Variants in GLIPR1 observed in about 807,000 individuals in gnomAD.
GLIPR1 encodes glioma pathogenesis-related protein 1.
A neutral mutation model predicts 30.3 loss-of-function variants in GLIPR1; 38 were observed. The observed-to-expected ratio is 1.26, with a 90% CI of 0.97 to 1.65. GLIPR1 has a LOEUF of 1.65. GLIPR1 is among the 40% of genes most tolerant of loss of function. The pLI is 0.00. For synonymous variants in GLIPR1, 122 were observed against 110.6 expected (o/e 1.10, Z -0.65); for missense variants, 285 against 326.5 (o/e 0.87, Z 0.98).
chr12:75,485,565 T>TTTATTTATTTA (rs1435192700), intron 2 of GLIPR1, among the ~76,000 whole-genome samples: 28,177 of 92,296 alleles, frequency 0.31, 3,633 homozygotes, highest in East Asian at 0.43. Flanking sequence ...TTATTTATTT[T>TTTATTTATTTA]TTTGAGACGG....
In GLIPR1 at chr12:75,500,663, A is replaced by G. The variant is rs1420247414; in HGVS notation, c.*1685A>G. On this transcript the variant is annotated 3_prime_UTR_variant, in exon 6 of 6. Transcript: ENST00000266659. ...GAAGCCAACTATCTAATCAATGCCA[A>G]AAGTGTGAACAAAATAGAGAAAGGA... The G allele has an allele frequency of 6.6e-6, 1 of 152,060 alleles. No homozygotes were observed. Among genetic ancestry groups the G allele is most frequent in the Non-Finnish European group, 1.5e-5 (1 of 67,970 alleles). The allele number at this position is 152,060 out of a possible 1,614,324, so 9.4% of individuals were successfully genotyped here.
In GLIPR1 at chr12:75,499,250, G is replaced by T; in HGVS notation, c.*272G>T. On this transcript the variant is annotated 3_prime_UTR_variant, in exon 6 of 6. Coordinates refer to ENST00000266659, the MANE Select transcript of GLIPR1 (RefSeq NM_006851.3). ...GCTTCTAAATCTGCAAAATGAGCAA[G>T]GTACAGTAGCACATTTTTAGGTGAT... is the stretch of plus-strand genomic sequence containing the variant. 3.9e-6 allele frequency: 1 copy of T among 254,998 alleles called. No homozygotes were observed. Among genetic ancestry groups the T allele is most frequent in the South Asian group, 1.2e-4 (1 of 8,338 alleles). The allele number at this position is 254,998 out of a possible 1,614,324, so 15.8% of individuals were successfully genotyped here.
At chr12:75,488,122 G>A (rs1376243083) in intron 2 of GLIPR1, among the ~76,000 whole-genome samples, 2 of 152,142 alleles carry the variant, frequency 1.3e-5, no homozygotes, top group African/African-American at 2.4e-5. Context: ...TGTTTTATCC[G>A]CAAGGTCTTT....
Position 75,498,813 on chromosome 12 carries a change from T to A in GLIPR1, c.647-11T>A. The A allele has an allele frequency of 6.2e-7, 1 of 1,612,412 alleles. No individual in the cohort carries two copies. The highest frequency in any genetic ancestry group is 8.5e-7 in the Non-Finnish European group (1 of 1,178,744). ...CAATGTCTAAGAGGATATTCTATGT[T>A]TGTTTCACAGGTTACTACTCTGTTG... On this transcript the variant is annotated splice_polypyrimidine_tract_variant and intron_variant, in intron 5 of 5. Transcript: ENST00000266659.
rs1450381828 is a variant in GLIPR1 at position 75,501,079 on chromosome 12, A to T, written c.*2101A>T. On this transcript the variant is annotated 3_prime_UTR_variant, in exon 6 of 6. Transcript: ENST00000266659. ...CTCTCCCTTCAGTGTGTCACTGTTC[A>T]CTTTGGAGGGTTACTTTAGGAAGAG... The T allele has an allele frequency of 1.3e-5, 2 of 152,116 alleles. No homozygotes were observed. Among genetic ancestry groups the T allele is most frequent in the Non-Finnish European group, 2.9e-5 (2 of 68,038 alleles). 9.4% of individuals were successfully genotyped at this position (152,116 alleles called of 1,614,324 possible).
At chr12:75,498,631 A>G in intron 4 of GLIPR1, 63 bp from the exon 5 acceptor site, 2 of 1,334,988 alleles carry the variant, frequency 1.5e-6, no homozygotes, top group East Asian at 2.3e-5. Context: ...AGCTTTTTAA[A>G]ATAAAACTCT....
chr12:75,499,613 T>TACC lies in GLIPR1; in HGVS notation c.*638_*640dup, dbSNP rs2046376389. 1.5e-5 allele frequency: 5 copies of TACC among 334,318 alleles called. No individual in the cohort carries two copies. The Admixed American group carries it at 1.8e-4, about 12-fold the overall frequency. The allele number at this position is 334,318 out of a possible 1,614,324, so 20.7% of individuals were successfully genotyped here. A position where few individuals can be genotyped will look rare whatever the true frequency, so the allele number is the denominator to read the frequency against. On this transcript the variant is annotated 3_prime_UTR_variant, in exon 6 of 6. Coordinates refer to ENST00000266659, the MANE Select transcript of GLIPR1 (RefSeq NM_006851.3). Reference sequence around the variant, plus strand: ...GTCGTAATGTATACAAAGACTTATATACCACTTTCTCGTATAAATTTTTCA... The same window carrying TACC: ...GTCGTAATGTATACAAAGACTTATATACCACCACTTTCTCGTATAAATTTTTCA...
chr12:75,497,894 A>AT (rs2046360960), intron 4 of GLIPR1: 1 of 127,118 alleles, frequency 7.9e-6, no homozygotes. Context: ...AAAAATATAT[A>AT]TAAAAAAAAA....
chr12:75,492,676 T>C (rs1284435549), intron 3 of GLIPR1: 2 of 152,242 alleles, frequency 1.3e-5, no homozygotes, highest in African/African-American at 4.8e-5. Context: ...TTATAAAACT[T>C]ACAACCAAAG....
At chr12:75,486,042 G>C (rs887825680) in intron 2 of GLIPR1, among the ~76,000 whole-genome samples, 1 of 152,140 alleles carries the variant, frequency 6.6e-6, no homozygotes, top group Admixed American at 6.5e-5. Flanking sequence ...ATAAAGAGTG[G>C]TTCCTGGTTC....
intron 2 of GLIPR1, among the ~76,000 whole-genome samples, chr12:75,485,416 G>A (rs1274150246): frequency 6.6e-6 from 1 of 152,104 alleles, no homozygotes; most frequent in Non-Finnish European, 1.5e-5. Context: ...AAGTATCTGG[G>A]CAGGGTAGAG....
At chr12:75,495,996 C>CGTTTTTTTTTTT (rs1389065125) in intron 4 of GLIPR1, 1 of 125,058 alleles carries the variant, frequency 8.0e-6, no homozygotes. Context: ...ATTCTGTTTT[C>CGTTTTTTTTTTT]GTTTTTTTTT....
At chr12:75,490,191 TATTTCACACACA>T (rs2046313203) in intron 2 of GLIPR1, among the ~76,000 whole-genome samples, 1 of 95,556 alleles carries the variant, frequency 1.0e-5, no homozygotes, top group African/African-American at 4.2e-5. Context: ...AAAATTATCT[TATTTCACACACA>T]CACACACACA....
Position 75,481,985 on chromosome 12 carries a change from CTG to C in GLIPR1, c.330_331del (p.Ser111PhefsTer8). On this transcript the variant is annotated frameshift_variant, in exon 2 of 6. Transcript: ENST00000266659. LOFTEE classifies it high-confidence loss of function. ...TGGACTGGGTCTGTGCCCATTTTTTCTGTGTCTTCCGCCATCACAAACTGGTA... is the reference window on the plus strand; with the variant it reads ...TGGACTGGGTCTGTGCCCATTTTTTCTGTCTTCCGCCATCACAAACTGGTA... 1 of 1,614,118 alleles carries C rather than the reference CTG, an allele frequency of 6.2e-7. No homozygotes were observed. The highest frequency in any genetic ancestry group is 8.5e-7 in the Non-Finnish European group (1 of 1,180,008).
At position 75,499,813 on chromosome 12, in the gene GLIPR1, T is replaced by C. The variant is rs140273898; in HGVS notation, c.*835T>C. On this transcript the variant is annotated 3_prime_UTR_variant, in exon 6 of 6. Coordinates refer to ENST00000266659, the MANE Select transcript of GLIPR1 (RefSeq NM_006851.3). Reference sequence around the variant, plus strand: ...AGTCAAGGAGTTTTGGGTATGTTACTTTTTTTTCTTCTTTTTCTTTTCATC... The same window carrying C: ...AGTCAAGGAGTTTTGGGTATGTTACCTTTTTTTCTTCTTTTTCTTTTCATC... 1.6e-5 allele frequency: 26 copies of C among 1,592,800 alleles called. No individual in the cohort carries two copies. The African/African-American group carries it at 3.4e-4, about 21-fold the overall frequency.
chr12:75,489,716 A>C (rs1232433322), intron 2 of GLIPR1: 2 of 152,222 alleles, frequency 1.3e-5, no homozygotes, highest in African/African-American at 4.8e-5. Flanking sequence ...CACTGGCATC[A>C]CCCACGTGTG....
At chr12:75,481,575 C>T (rs1486319723) in intron 1 of GLIPR1, 9 of 461,438 alleles carry the variant, frequency 2.0e-5, no homozygotes, top group Non-Finnish European at 3.2e-5. Context: ...TGTTGTGAAA[C>T]ACGGCACACA....
Position 75,500,105 on chromosome 12 carries a change from AAAAACACTTGCCTAAAGCAGTTAG to A in GLIPR1, c.*1131_*1154del. 2 of 541,562 alleles carry A rather than the reference AAAAACACTTGCCTAAAGCAGTTAG, an allele frequency of 3.7e-6. No homozygotes were observed. Among genetic ancestry groups the A allele is most frequent in the Non-Finnish European group, 6.1e-6 (2 of 329,068 alleles). The allele number at this position is 541,562 out of a possible 1,614,324, so 33.5% of individuals were successfully genotyped here. On this transcript the variant is annotated 3_prime_UTR_variant, in exon 6 of 6. Transcript: ENST00000266659. ...GAAAGGTGATCACAGTATAAAATAT[AAAAACACTTGCCTAAAGCAGTTAG>A]AAATTTCTTCAGATTAAGATAAAAC...
intron 1 of GLIPR1, 98 bp from the exon 2 acceptor site, chr12:75,481,736 T>C: frequency 9.2e-7 from 1 of 1,092,264 alleles, no homozygotes; most frequent in Middle Eastern, 2.1e-4. Flanking sequence ...TGGTATCTTC[T>C]CTCCTTATCT....
Sources: allele counts gnomAD v4.1 joint callset (sites outside exome capture counted in the v4.1 genomes callset), GRCh38; gene constraint gnomAD v4.1.1; transcripts MANE v1.5; gene names NCBI Gene and HGNC (gene_info 2026-07-23, HGNC 2026-07-21).